Variants in NOVA1 observed in about 807,000 individuals in gnomAD.
NOVA1 encodes NOVA alternative splicing regulator 1, also known as RNA-binding protein Nova-1.
A neutral mutation model predicts 38.0 loss-of-function variants in NOVA1; 7 were observed. The ratio of observed to expected loss-of-function variants is 0.18; its 90% CI spans 0.10 to 0.35. NOVA1 has a LOEUF of 0.35. Among genes scored for constraint, NOVA1 ranks in the 10% least tolerant of loss-of-function variants. The pLI is 1.00. For synonymous variants in NOVA1, 270 were observed against 232.5 expected (o/e 1.16, Z -1.47); for missense variants, 460 against 616.0 (o/e 0.75, Z 2.68).
intron 2 of NOVA1, among the ~76,000 whole-genome samples, chr14:26,560,091 AT>A (rs1308642007): frequency 6.6e-6 from 1 of 152,106 alleles, no homozygotes; most frequent in Admixed American, 6.6e-5. Flanking sequence ...TTAAAGACAG[AT>A]CACACACCAA....
At chr14:26,503,888 G>T (rs1186864771) in intron 2 of NOVA1, among the ~76,000 whole-genome samples, 1 of 151,934 alleles carries the variant, frequency 6.6e-6, no homozygotes, top group Non-Finnish European at 1.5e-5. Flanking sequence ...GGCACAAACC[G>T]AAAAATGAAG....
chr14:26,496,892 T>A (rs1220575378), intron 2 of NOVA1, among the ~76,000 whole-genome samples: 4 of 152,210 alleles, frequency 2.6e-5, no homozygotes, highest in African/African-American at 7.2e-5. Context: ...TTTTGGTTAC[T>A]GTAGCCTTGT....
At chr14:26,486,366 C>A (rs909080543) in intron 2 of NOVA1, among the ~76,000 whole-genome samples, 2 of 151,866 alleles carry the variant, frequency 1.3e-5, no homozygotes, top group Non-Finnish European at 2.9e-5. Flanking sequence ...CCTCAGCAAC[C>A]TAATAATATA....
intron 2 of NOVA1, among the ~76,000 whole-genome samples, chr14:26,588,067 T>G (rs561480112): frequency 6.6e-6 from 1 of 151,336 alleles, no homozygotes; most frequent in African/African-American, 2.4e-5. Context: ...CTCTGAAAAC[T>G]TACACTGTGA....
chr14:26,586,141 A>T (rs147537487), intron 2 of NOVA1, among the ~76,000 whole-genome samples: 240 of 151,500 alleles, frequency 1.6e-3, no homozygotes, highest in African/African-American at 5.4e-3. Context: ...TACTCAACTG[A>T]TGTGAGTAAA....
At chr14:26,490,822 C>T (rs912757510) in intron 2 of NOVA1, among the ~76,000 whole-genome samples, 5 of 148,400 alleles carry the variant, frequency 3.4e-5, no homozygotes, top group South Asian at 2.2e-4. Context: ...ACTACAGGTG[C>T]GCACCATCAC....
chr14:26,544,647 G>C (rs1435277565), intron 2 of NOVA1, among the ~76,000 whole-genome samples: 1 of 151,612 alleles, frequency 6.6e-6, no homozygotes, highest in East Asian at 1.9e-4. Flanking sequence ...TGAAAATTTA[G>C]TCTATTTTAA....
intron 4 of NOVA1, among the ~76,000 whole-genome samples, chr14:26,465,088 G>T (rs2138221961): frequency 6.6e-6 from 1 of 152,224 alleles, no homozygotes; most frequent in Non-Finnish European, 1.5e-5. Context: ...GATATTTCTA[G>T]GACCTTCTTA....
intron 3 of NOVA1, among the ~76,000 whole-genome samples, chr14:26,473,936 G>C (rs1227291181): frequency 6.6e-6 from 1 of 151,950 alleles, no homozygotes; most frequent in African/African-American, 2.4e-5. Context: ...TTTCTCAAGA[G>C]AGACTTCATT....
chr14:26,449,956 T>C (rs1594313123), intron 4 of NOVA1, among the ~76,000 whole-genome samples: 1 of 152,232 alleles, frequency 6.6e-6, no homozygotes, highest in East Asian at 1.9e-4. Flanking sequence ...CAATATGACA[T>C]TTTCTATCAT....
chr14:26,466,578 T>C (rs929360744), intron 4 of NOVA1, among the ~76,000 whole-genome samples: 1 of 152,180 alleles, frequency 6.6e-6, no homozygotes, highest in Non-Finnish European at 1.5e-5. Flanking sequence ...TAAAATTAGG[T>C]AATAATTCTG....
intron 4 of NOVA1, among the ~76,000 whole-genome samples, chr14:26,461,346 G>A (rs1883647501): frequency 6.6e-6 from 1 of 152,070 alleles, no homozygotes; most frequent in Non-Finnish European, 1.5e-5. Flanking sequence ...ATTTAAAAGG[G>A]ATTTTGGGAG....
intron 2 of NOVA1, among the ~76,000 whole-genome samples, chr14:26,530,193 C>T (rs1316035981): frequency 1.3e-5 from 2 of 152,358 alleles, no homozygotes; most frequent in East Asian, 3.9e-4. Flanking sequence ...GCTGCGATTA[C>T]AGGCGTGAGC....
chr14:26,545,783 G>A (rs564765597), intron 2 of NOVA1, among the ~76,000 whole-genome samples: 3 of 151,976 alleles, frequency 2.0e-5, no homozygotes, highest in African/African-American at 4.8e-5. Context: ...AAGGATTCGA[G>A]ATCACACTTC....
intron 2 of NOVA1, among the ~76,000 whole-genome samples, chr14:26,589,270 T>C (rs1893704750): frequency 6.6e-6 from 1 of 151,754 alleles, no homozygotes; most frequent in Admixed American, 6.6e-5. Context: ...ATAACATATC[T>C]GTATTCACTG....
At chr14:26,491,127 G>A (rs1278363711) in intron 2 of NOVA1, among the ~76,000 whole-genome samples, 1 of 152,010 alleles carries the variant, frequency 6.6e-6, no homozygotes, top group African/African-American at 2.4e-5. Flanking sequence ...TGGGATTACA[G>A]GCGTGAGCCA....
intron 4 of NOVA1, among the ~76,000 whole-genome samples, chr14:26,452,786 T>C (rs1378866781): frequency 6.6e-6 from 1 of 152,230 alleles, no homozygotes; most frequent in Non-Finnish European, 1.5e-5. Flanking sequence ...TTATATTTGC[T>C]AGCATCTACC....
chr14:26,469,230 G>A (rs1884398706), intron 4 of NOVA1, among the ~76,000 whole-genome samples: 1 of 152,108 alleles, frequency 6.6e-6, no homozygotes, highest in Non-Finnish European at 1.5e-5. Flanking sequence ...TTCTTCAGTA[G>A]GGGAAGAAGA....
At chr14:26,511,613 G>A (rs541034919) in intron 2 of NOVA1, among the ~76,000 whole-genome samples, 37 of 152,144 alleles carry the variant, frequency 2.4e-4, no homozygotes, top group Non-Finnish European at 4.3e-4. Context: ...TTAGCTGGGC[G>A]TGGTGGTGCA....
Sources: allele counts gnomAD v4.1 joint callset (sites outside exome capture counted in the v4.1 genomes callset), GRCh38; gene constraint gnomAD v4.1.1; transcripts MANE v1.5; gene names NCBI Gene and HGNC (gene_info 2026-07-23, HGNC 2026-07-21).